SEC14L1: variants seen among roughly 807,000 people sequenced by gnomAD.
The protein encoded by SEC14L1 is SEC14 like lipid binding 1.
A neutral mutation model predicts 85.3 loss-of-function variants in SEC14L1; 48 were observed. The ratio of observed to expected loss-of-function variants is 0.56; its 90% CI spans 0.45 to 0.72. The LOEUF (loss-of-function observed/expected upper bound fraction) is 0.72. Ranked by LOEUF, SEC14L1 falls within the 30% of genes least tolerant of loss-of-function variation. SEC14L1 has a pLI of 0.00. For missense variants in SEC14L1, 682 were observed against 921.4 expected (o/e 0.74, Z 3.36); for synonymous variants, 391 against 355.5 (o/e 1.10, Z -1.12).
At chr17:77,099,314 C>T (rs1234656850) in intron 3 of SEC14L1, 1 of 152,198 alleles carries the variant, frequency 6.6e-6, no homozygotes, top group African/African-American at 2.4e-5. Context: ...CCACATTTTA[C>T]CTTCTATGCG....
chr17:77,107,532 G>A (rs1281461714), intron 3 of SEC14L1, among the ~76,000 whole-genome samples: 3 of 152,158 alleles, frequency 2.0e-5, no homozygotes, highest in Admixed American at 6.6e-5. Flanking sequence ...ATGAAAAGGA[G>A]AGAGGGGGAG....
intron 8 of SEC14L1, 111 bp from the exon 9 acceptor site, chr17:77,200,373 T>C: frequency 1.3e-6 from 1 of 762,646 alleles, no homozygotes; most frequent in Non-Finnish European, 2.1e-6. Context: ...TTCACCATAT[T>C]GGCCAGGCTG....
intron 3 of SEC14L1, among the ~76,000 whole-genome samples, chr17:77,130,416 A>C (rs917308813): frequency 6.6e-6 from 1 of 152,040 alleles, no homozygotes; most frequent in Admixed American, 6.6e-5. Context: ...TCCTGAGTTC[A>C]AGTGATTCTC....
At chr17:77,161,677 C>T (rs1974056894) in intron 3 of SEC14L1, among the ~76,000 whole-genome samples, 1 of 143,898 alleles carries the variant, frequency 6.9e-6, no homozygotes, top group African/African-American at 2.6e-5. Context: ...GCTTTACTTT[C>T]ATGAATCCAA....
At position 77,216,011 on chromosome 17, in the gene SEC14L1, G is replaced by A. The variant is rs1977039344; in HGVS notation, c.*1988G>A. The A allele has an allele frequency of 1.1e-6, 1 of 909,170 alleles. No homozygotes were observed. The highest frequency in any genetic ancestry group is 1.3e-6 in the Non-Finnish European group (1 of 771,780). The allele number at this position is 909,170 out of a possible 1,614,324, so 56.3% of individuals were successfully genotyped here. ...TAGGGCTAGTAGGTAGGGTTCGTAG[G>A]TAGGGTTCGTAGGTAGGGCTAGTAG... On this transcript the variant is annotated 3_prime_UTR_variant, in exon 17 of 17. Transcript: ENST00000436233.
chr17:77,203,993 C>A (rs769504938), intron 10 of SEC14L1, among the ~76,000 whole-genome samples: 3 of 152,032 alleles, frequency 2.0e-5, no homozygotes, highest in Admixed American at 2.0e-4. Flanking sequence ...TTCCACTGGC[C>A]CTTCGTTAAC....
At chr17:77,178,177 G>A (rs1227750610) in intron 3 of SEC14L1, among the ~76,000 whole-genome samples, 1 of 150,956 alleles carries the variant, frequency 6.6e-6, no homozygotes, top group Non-Finnish European at 1.5e-5. Flanking sequence ...TTTAGTAGCA[G>A]CTTCTCTTGC....
chr17:77,092,368 CAT>C, intron 2 of SEC14L1, among the ~76,000 whole-genome samples: 1 of 152,168 alleles, frequency 6.6e-6, no homozygotes, highest in Non-Finnish European at 1.5e-5. Context: ...CAGGAAAGGA[CAT>C]TTTCTGTTGA....
At chr17:77,171,873 T>G (rs1247268006) in intron 3 of SEC14L1, among the ~76,000 whole-genome samples, 7 of 152,198 alleles carry the variant, frequency 4.6e-5, no homozygotes, top group African/African-American at 1.7e-4. Context: ...TACATCTGGA[T>G]GGATGTATCC....
At chr17:77,149,646 C>G (rs1303873825) in intron 3 of SEC14L1, among the ~76,000 whole-genome samples, 2 of 152,162 alleles carry the variant, frequency 1.3e-5, no homozygotes, top group African/African-American at 2.4e-5. Flanking sequence ...CTGCAGTGAG[C>G]TATGATCACA....
At chr17:77,115,148 C>T (rs140945324) in intron 3 of SEC14L1, among the ~76,000 whole-genome samples, 98 of 151,786 alleles carry the variant, frequency 6.5e-4, no homozygotes, top group Middle Eastern at 3.4e-3. Flanking sequence ...GCTGCAAGCC[C>T]GGCCGGGCAC....
chr17:77,153,905 G>C (rs745522365), intron 3 of SEC14L1, among the ~76,000 whole-genome samples: 9 of 152,076 alleles, frequency 5.9e-5, no homozygotes, highest in Non-Finnish European at 8.8e-5. Flanking sequence ...CTTTTATATA[G>C]TTCTAGTGGA....
chr17:77,216,489 C>T lies in SEC14L1; in HGVS notation c.*2466C>T. ...TGCTTCCACCTGGTGCTTCCTGTTC[C>T]CAAATCACAAGGGCCTGAAGGTGGT... On this transcript the variant is annotated 3_prime_UTR_variant, in exon 17 of 17. Coordinates refer to ENST00000436233, the MANE Select transcript of SEC14L1 (RefSeq NM_001143998.2). 1.2e-6 allele frequency: 2 copies of T among 1,612,584 alleles called. No homozygotes were observed. The highest frequency in any genetic ancestry group is 1.3e-5 in the African/African-American group (1 of 74,806).
chr17:77,185,178 C>G, intron 3 of SEC14L1: 9 of 982,976 alleles, frequency 9.2e-6, no homozygotes, highest in Non-Finnish European at 1.1e-5. Flanking sequence ...TCCTCGTTCT[C>G]CTGAGGATAA....
intron 3 of SEC14L1, among the ~76,000 whole-genome samples, chr17:77,100,880 A>T (rs1971763877): frequency 6.6e-6 from 1 of 152,128 alleles, no homozygotes; most frequent in Non-Finnish European, 1.5e-5. Flanking sequence ...CATACAATTG[A>T]TTAAAGTTTT....
At chr17:77,118,506 G>A (rs1047722224) in intron 3 of SEC14L1, among the ~76,000 whole-genome samples, 1 of 152,192 alleles carries the variant, frequency 6.6e-6, no homozygotes, top group African/African-American at 2.4e-5. Flanking sequence ...GTGGAGGACT[G>A]TCCCCGAGCC....
Position 77,200,687 on chromosome 17 carries a change from T to C in SEC14L1, c.1009+14T>C. On this transcript the variant is annotated intron_variant, in intron 9 of 16. Coordinates refer to ENST00000436233, the MANE Select transcript of SEC14L1 (RefSeq NM_001143998.2). ...ATCACGACAAAGGTACCGGATGGAG[T>C]TGAAACTGTGTTTCCATCGTTGTCT... 2.5e-6 allele frequency: 4 copies of C among 1,603,464 alleles called. No individual in the cohort carries two copies. Among genetic ancestry groups the C allele is most frequent in the Non-Finnish European group, 3.4e-6 (4 of 1,174,282 alleles).
chr17:77,162,403 A>G (rs532495224), intron 3 of SEC14L1, among the ~76,000 whole-genome samples: 1 of 152,298 alleles, frequency 6.6e-6, no homozygotes, highest in East Asian at 1.9e-4. Flanking sequence ...GTTGATATTG[A>G]CTGGTAAGGC....
chr17:77,106,706 C>T (rs969886340), intron 3 of SEC14L1, among the ~76,000 whole-genome samples: 3 of 151,802 alleles, frequency 2.0e-5, no homozygotes, highest in Admixed American at 6.6e-5. Flanking sequence ...TGTGGTGGCC[C>T]GCACCTGTGG....
Sources: gnomAD v4.1 joint callset for allele counts (sites outside exome capture counted in the v4.1 genomes callset) on GRCh38, gnomAD v4.1.1 for gene constraint, MANE v1.5 for transcripts, NCBI Gene and HGNC (gene_info 2026-07-23, HGNC 2026-07-21) for gene names.